The following RNF111 variants were observed in gnomAD, a reference collection of about 807,000 sequenced individuals.
RNF111 encodes ring finger protein 111.
RNF111 carries 17 observed loss-of-function variants against 95.1 expected under a neutral mutation model. The observed-to-expected ratio is 0.18, with a 90% CI of 0.12 to 0.27. RNF111 has a LOEUF of 0.27. Ranked by LOEUF, RNF111 falls within the 10% of genes least tolerant of loss-of-function variation. The pLI is 1.00. For missense variants in RNF111, 1,189 were observed against 1,210.4 expected (o/e 0.98, Z 0.26); for synonymous variants, 440 against 414.8 (o/e 1.06, Z -0.74).
chr15:59,055,127 T>C (rs2042151845), intron 3 of RNF111, among the ~76,000 whole-genome samples: 1 of 152,228 alleles, frequency 6.6e-6, no homozygotes, highest in Non-Finnish European at 1.5e-5. Flanking sequence ...TAATATTTCT[T>C]AGGGCTACCA....
At chr15:59,072,666 T>C (rs1312794431) in intron 6 of RNF111, among the ~76,000 whole-genome samples, 1 of 151,704 alleles carries the variant, frequency 6.6e-6, no homozygotes, top group African/African-American at 2.4e-5. Context: ...GATAGCCACG[T>C]TGGTCTCAAT....
chr15:59,055,702 A>G lies in RNF111; in HGVS notation c.1028A>G (p.His343Arg). 6.2e-7 allele frequency: 1 copy of G among 1,612,206 alleles called. No homozygotes were observed. The highest frequency in any genetic ancestry group is 8.5e-7 in the Non-Finnish European group (1 of 1,178,998). Residue 343 changes from histidine to arginine, a missense_variant, in exon 4 of 14, where the codon CAC becomes CGC. Around this residue, in one of 2 missense-constraint regions of RNF111, gnomAD observed 1,024 missense variants for 925.9 expected, o/e 1.11. Coordinates refer to ENST00000348370, the MANE Select transcript of RNF111 (RefSeq NM_017610.8). ...ESYRSRSTLG[H>R]SRSHWSQGSS... Reference sequence around the variant, plus strand: ...TTAAGGTCTCGTTCAACCCTTGGACACTCCAGATCTCATTGGAGCCAGGGT... The same window carrying G: ...TTAAGGTCTCGTTCAACCCTTGGACGCTCCAGATCTCATTGGAGCCAGGGT...
intron 6 of RNF111, among the ~76,000 whole-genome samples, chr15:59,071,188 C>G (rs1223880303): frequency 6.6e-6 from 1 of 151,076 alleles, no homozygotes; most frequent in African/African-American, 2.4e-5. Flanking sequence ...GTCCCAGCTA[C>G]TCGGGAGGCT....
intron 1 of RNF111, among the ~76,000 whole-genome samples, chr15:59,023,505 G>T (rs570451622): frequency 6.6e-6 from 1 of 151,358 alleles, no homozygotes; most frequent in Admixed American, 6.6e-5. Context: ...GTAAAGGAAA[G>T]TCATTGATTT....
chr15:59,024,821 T>C (rs993716755), intron 1 of RNF111, among the ~76,000 whole-genome samples: 10 of 152,194 alleles, frequency 6.6e-5, no homozygotes, highest in African/African-American at 2.4e-4. Flanking sequence ...TGTTAAACAC[T>C]AACTCCTATT....
At chr15:59,044,114 C>G (rs1174731965) in intron 2 of RNF111, among the ~76,000 whole-genome samples, 1 of 152,044 alleles carries the variant, frequency 6.6e-6, no homozygotes, top group Non-Finnish European at 1.5e-5. Flanking sequence ...CACTGCAACC[C>G]CCACCTCCCG....
In RNF111 at chr15:58,995,598, T is replaced by C. The variant is rs1567196460; in HGVS notation, c.-20+7530T>C. Among the ~76,000 whole-genome samples the C allele has an allele frequency of 2.0e-5, 3 of 151,596 alleles. No homozygotes were observed. The South Asian group carries it at 6.3e-4, about 32-fold the overall frequency. ...TCAGCCTCCCAAATAGCTGGGATTA[T>C]AGGCGCCTGCCACCATGCCCGGCTA... On this transcript the variant is annotated intron_variant, in intron 1 of 13. Transcript: ENST00000348370.
intron 5 of RNF111, among the ~76,000 whole-genome samples, chr15:59,064,340 C>T (rs1412538500): frequency 6.6e-6 from 1 of 152,004 alleles, no homozygotes; most frequent in South Asian, 2.1e-4. Context: ...TCGAGACCAT[C>T]CTGGCTAACA....
intron 2 of RNF111, among the ~76,000 whole-genome samples, chr15:59,043,356 C>A (rs1248279079): frequency 6.6e-6 from 1 of 151,992 alleles, no homozygotes; most frequent in African/African-American, 2.4e-5. Flanking sequence ...GGGTTTTCAC[C>A]ATGTTGGCCA....
At chr15:59,092,208 AAAAC>A (rs1285414137) in intron 12 of RNF111, among the ~76,000 whole-genome samples, 53 of 152,366 alleles carry the variant, frequency 3.5e-4, no homozygotes, top group African/African-American at 1.2e-3. Context: ...ACTAATAAAA[AAAAC>A]TTATTTATGC....
intron 1 of RNF111, among the ~76,000 whole-genome samples, chr15:58,991,976 A>G (rs1177857983): frequency 2.6e-5 from 4 of 152,218 alleles, no homozygotes; most frequent in Non-Finnish European, 5.9e-5. Context: ...ATGTAAGAAA[A>G]TGACCACTTT....
At chr15:59,019,540 A>G (rs1218653802) in intron 1 of RNF111, among the ~76,000 whole-genome samples, 3 of 151,298 alleles carry the variant, frequency 2.0e-5, no homozygotes, top group South Asian at 4.2e-4. Context: ...AGTGTTTTTC[A>G]TATGGGTTTA....
chr15:59,066,968 C>T lies in RNF111; in HGVS notation c.1571C>T (p.Pro524Leu). 1 of 1,614,148 alleles carries T rather than the reference C, an allele frequency of 6.2e-7. No homozygotes were observed. Among genetic ancestry groups the T allele is most frequent in the Non-Finnish European group, 8.5e-7 (1 of 1,180,032 alleles). ...CACCACCACCACCATACTCCCCACC[C>T]AGCTGTCCCAGTTTCTCCTTCCTTT... ...HHHHHHHTPH[P>L]AVPVSPSFSD... Residue 524 changes from proline to leucine, a missense_variant, in exon 6 of 14, where the codon CCA becomes CTA. Pro to Leu is a moderately conservative substitution (Grantham distance 98). This residue lies in a region of RNF111 where 1,024 missense variants were observed against 925.9 expected (regional missense o/e 1.11). Transcript: ENST00000348370.
chr15:59,053,909 T>G (rs1008432905), intron 3 of RNF111, among the ~76,000 whole-genome samples: 1 of 152,168 alleles, frequency 6.6e-6, no homozygotes, highest in Admixed American at 6.5e-5. Flanking sequence ...ACTGTTTAGC[T>G]GGCTTTTTGC....
chr15:59,093,253 T>A (rs2079102255), intron 13 of RNF111: 2 of 319,520 alleles, frequency 6.3e-6, no homozygotes, highest in South Asian at 4.8e-5. Context: ...TTGAGAGGCT[T>A]TGGAGGTCCT....
At chr15:59,017,978 C>G (rs188062002) in intron 1 of RNF111, among the ~76,000 whole-genome samples, 13 of 152,034 alleles carry the variant, frequency 8.6e-5, no homozygotes, top group Admixed American at 3.9e-4. Flanking sequence ...AGGCTGGTCT[C>G]GAACTCCTGA....
At chr15:59,055,087 G>A (rs1480790362) in intron 3 of RNF111, among the ~76,000 whole-genome samples, 1 of 152,192 alleles carries the variant, frequency 6.6e-6, no homozygotes, top group East Asian at 1.9e-4. Context: ...ACAGTCACGT[G>A]TTTTAGAAGC....
intron 6 of RNF111, among the ~76,000 whole-genome samples, chr15:59,075,143 G>C (rs1307059151): frequency 1.3e-5 from 2 of 152,112 alleles, no homozygotes; most frequent in African/African-American, 4.8e-5. Context: ...TAAATATTAA[G>C]AGAATTACCA....
chr15:59,070,730 C>T (rs1314390108), intron 6 of RNF111, among the ~76,000 whole-genome samples: 1 of 152,134 alleles, frequency 6.6e-6, no homozygotes, highest in African/African-American at 2.4e-5. Flanking sequence ...CCTTTCCTTT[C>T]AGCACCCAGA....
Sources: gnomAD v4.1 joint callset for allele counts (sites outside exome capture counted in the v4.1 genomes callset) on GRCh38, gnomAD v4.1.1 for gene constraint, gnomAD v4.1.1 regional missense constraint, MANE v1.5 for transcripts, NCBI Gene and HGNC (gene_info 2026-07-23, HGNC 2026-07-21) for gene names.